Variants in CSMD1 observed in about 807,000 individuals in gnomAD.
CSMD1 encodes the protein CUB and sushi domain-containing protein 1.
CSMD1 carries 213 observed loss-of-function variants against 417.5 expected under a neutral mutation model. The observed-to-expected ratio is 0.51, with a 90% CI of 0.46 to 0.57. CSMD1 has a LOEUF of 0.57. CSMD1 is among the 20% of genes least tolerant of loss of function. The pLI is 0.00. For synonymous variants in CSMD1, 2,862 were observed against 1,736.8 expected (o/e 1.65, Z -16.11); for missense variants, 6,923 against 4,529.7 (o/e 1.53, Z -15.17).
chr8:3,493,599 G>T, intron 11 of CSMD1, 24 bp downstream of exon 11: 1 of 1,579,868 alleles, frequency 6.3e-7, no homozygotes, highest in Non-Finnish European at 8.6e-7. Flanking sequence ...CATAAGAGAA[G>T]AAGAAGCTCA....
intron 4 of CSMD1, among the ~76,000 whole-genome samples, chr8:4,021,175 C>T (rs140945608): frequency 3.9e-5 from 6 of 152,300 alleles, no homozygotes; most frequent in Admixed American, 2.0e-4. Context: ...TGTGGCTAGT[C>T]AGCATTGCAA....
intron 3 of CSMD1, among the ~76,000 whole-genome samples, chr8:4,353,184 G>C (rs146465883): frequency 6.6e-6 from 1 of 152,100 alleles, no homozygotes; most frequent in Non-Finnish European, 1.5e-5. Flanking sequence ...TAATCCCCAC[G>C]TGTCAAGTGT....
intron 18 of CSMD1, among the ~76,000 whole-genome samples, chr8:3,371,259 G>A (rs546499465): frequency 2.6e-5 from 4 of 152,256 alleles, no homozygotes; most frequent in Non-Finnish European, 5.9e-5. Context: ...GGAGCACACT[G>A]ACTAATACAT....
At chr8:3,987,902 G>A (rs1458414702) in intron 5 of CSMD1, among the ~76,000 whole-genome samples, 1 of 152,142 alleles carries the variant, frequency 6.6e-6, no homozygotes. Flanking sequence ...TCTTCTACCT[G>A]ATCTCTGAGA....
intron 1 of CSMD1, among the ~76,000 whole-genome samples, chr8:4,978,256 G>C (rs79082223): frequency 0.017 from 2,519 of 152,218 alleles, 147 homozygotes; most frequent in East Asian, 0.15. Flanking sequence ...GTGTTCAAAG[G>C]GGGGACAGGC....
At chr8:3,056,433 T>C (rs1812225778) in intron 49 of CSMD1, among the ~76,000 whole-genome samples, 1 of 152,212 alleles carries the variant, frequency 6.6e-6, no homozygotes, top group African/African-American at 2.4e-5. Flanking sequence ...AGTGGCACAG[T>C]CCAGGTTCAC....
chr8:4,544,670 C>G (rs908606087), intron 2 of CSMD1, among the ~76,000 whole-genome samples: 1 of 152,144 alleles, frequency 6.6e-6, no homozygotes, highest in African/African-American at 2.4e-5. Context: ...TATTCCATGT[C>G]CAGCTTTAAG....
intron 3 of CSMD1, among the ~76,000 whole-genome samples, chr8:4,368,422 A>G (rs1270947398): frequency 6.6e-6 from 1 of 152,122 alleles, no homozygotes; most frequent in African/African-American, 2.4e-5. Context: ...AATATTTGCC[A>G]GAAGATTCAT....
At chr8:3,967,836 A>G (rs897954800) in intron 5 of CSMD1, among the ~76,000 whole-genome samples, 26 of 152,016 alleles carry the variant, frequency 1.7e-4, no homozygotes, top group Non-Finnish European at 3.4e-4. Context: ...TAAGGAAAGT[A>G]ACTTATGATG....
chr8:4,771,385 T>C (rs758778892), intron 1 of CSMD1, among the ~76,000 whole-genome samples: 3 of 152,220 alleles, frequency 2.0e-5, no homozygotes, highest in African/African-American at 4.8e-5. Flanking sequence ...GGAAATTGCA[T>C]TGCTACTGCA....
intron 3 of CSMD1, among the ~76,000 whole-genome samples, chr8:4,173,230 G>T (rs542769801): frequency 3.5e-4 from 53 of 152,254 alleles, no homozygotes; most frequent in African/African-American, 1.3e-3. Context: ...ACTCTTTAAT[G>T]CAAGCTTGTC....
chr8:3,934,422 G>C (rs140710976), intron 5 of CSMD1, among the ~76,000 whole-genome samples: 3 of 152,142 alleles, frequency 2.0e-5, no homozygotes, highest in South Asian at 2.1e-4. Context: ...AACACCGGTA[G>C]TAATTGTTAA....
chr8:4,066,155 C>G (rs1799234664), intron 3 of CSMD1, among the ~76,000 whole-genome samples: 1 of 152,190 alleles, frequency 6.6e-6, no homozygotes. Flanking sequence ...GGAAGACTCA[C>G]CCATTATTTC....
intron 5 of CSMD1, among the ~76,000 whole-genome samples, chr8:3,775,288 G>C (rs1163150035): frequency 7.9e-5 from 12 of 152,184 alleles, no homozygotes; most frequent in Admixed American, 6.5e-5. Context: ...TGAAAAATAA[G>C]TGAACAGAAG....
intron 7 of CSMD1, among the ~76,000 whole-genome samples, chr8:3,617,252 C>T (rs2117172373): frequency 6.6e-6 from 1 of 152,242 alleles, no homozygotes; most frequent in African/African-American, 2.4e-5. Flanking sequence ...ATATTTTAAA[C>T]ATTGAAGTGC....
At chr8:4,921,698 ATG>A (rs1806509326) in intron 1 of CSMD1, among the ~76,000 whole-genome samples, 1 of 152,140 alleles carries the variant, frequency 6.6e-6, no homozygotes, top group Admixed American at 6.5e-5. Context: ...GTGTACAGGA[ATG>A]TGTATGCAAT....
intron 9 of CSMD1, among the ~76,000 whole-genome samples, chr8:3,580,589 G>A (rs1800341427): frequency 1.3e-5 from 2 of 152,162 alleles, no homozygotes; most frequent in East Asian, 1.9e-4. Flanking sequence ...AAAATAATAA[G>A]GAGAAAAATA....
chr8:3,695,428 C>G (rs373939220), intron 7 of CSMD1, among the ~76,000 whole-genome samples: 3 of 152,030 alleles, frequency 2.0e-5, no homozygotes, highest in Non-Finnish European at 4.4e-5. Flanking sequence ...TCCAATTAAT[C>G]CTCTTGGTAG....
chr8:4,322,490 G>C (rs1360468278), intron 3 of CSMD1, among the ~76,000 whole-genome samples: 1 of 152,142 alleles, frequency 6.6e-6, no homozygotes, highest in African/African-American at 2.4e-5. Flanking sequence ...AGTGAAAGCT[G>C]TATGCAGTTG....
Sources: allele counts gnomAD v4.1 joint callset (sites outside exome capture counted in the v4.1 genomes callset), GRCh38; gene constraint gnomAD v4.1.1; transcripts MANE v1.5; gene names NCBI Gene and HGNC (gene_info 2026-07-23, HGNC 2026-07-21).